The following EBF4 variants were observed in gnomAD, a reference collection of about 807,000 sequenced individuals.
The protein encoded by EBF4 is transcription factor COE4.
A neutral mutation model predicts 67.1 loss-of-function variants in EBF4; 34 were observed. The observed-to-expected ratio is 0.51, with a 90% CI of 0.39 to 0.67. The LOEUF is 0.67. Among genes scored for constraint, EBF4 ranks in the 30% least tolerant of loss-of-function variants. The pLI is 0.00. For synonymous variants in EBF4, 387 were observed against 377.7 expected, an observed-to-expected ratio of 1.02 and a Z score of -0.29; for missense variants, 837 against 873.3, an observed-to-expected ratio of 0.96 and a Z score of 0.52.
intron 1 of EBF4, among the ~76,000 whole-genome samples, chr20:2,702,789 C>T (rs1485529146): frequency 2.0e-5 from 3 of 152,144 alleles, no homozygotes; most frequent in Admixed American, 2.0e-4. Flanking sequence ...CCTAAGTGGT[C>T]CTCAAGGCAG....
At chr20:2,692,858 C>G (rs1043361797), upstream of EBF4, 50 of 144,760 alleles carry the variant, frequency 3.5e-4, no homozygotes, top group Non-Finnish European at 6.8e-4. This position sits in a 1 kb window ranked among gnomAD's most constrained non-coding sequence, Gnocchi z 6.4. Flanking sequence ...AGGCCAGGCC[C>G]CGGGGAGCGG....
Position 2,733,905 on chromosome 20 carries a change from C to T in EBF4, c.558-14644C>T, listed in dbSNP as rs116346898. Among the ~76,000 whole-genome samples the T allele has an allele frequency of 2.1e-3, 321 of 151,796 alleles. 1 individual carries two copies. The highest frequency in any genetic ancestry group is 7.3e-3 in the African/African-American group (302 of 41,392). ...AAGCCAACCTGGGCTGCATGTGCCC[C>T]GTGGGTCGCAGGTTAGAGAAGCTTG... On this transcript the variant is annotated intron_variant, in intron 6 of 16. Coordinates refer to ENST00000609451, the Ensembl canonical transcript of EBF4.
chr20:2,759,811 A>G (rs2088299174), downstream of EBF4: 2 of 151,950 alleles, frequency 1.3e-5, no homozygotes, highest in Non-Finnish European at 2.9e-5. Context: ...AGCTGCCCCC[A>G]CTTCCTTTGA....
intron 6 of EBF4, among the ~76,000 whole-genome samples, chr20:2,725,103 G>A (rs574753726): frequency 3.3e-5 from 5 of 152,232 alleles, no homozygotes; most frequent in South Asian, 2.1e-4. Context: ...CTTTTACCAC[G>A]TCTGCAAATT....
intron 5 of EBF4, among the ~76,000 whole-genome samples, chr20:2,708,844 G>A (rs1425397522): frequency 2.6e-5 from 4 of 152,212 alleles, no homozygotes; most frequent in East Asian, 1.9e-4. Flanking sequence ...TGCTGGCCAC[G>A]CAGCACTTCT....
Position 2,696,966 on chromosome 20 carries a change from C to A in EBF4, c.137+3184C>A, listed in dbSNP as rs1010688995. Among the ~76,000 whole-genome samples, 1 of 152,162 alleles carries A rather than the reference C, an allele frequency of 6.6e-6. No homozygotes were observed. Among genetic ancestry groups the A allele is most frequent in the African/African-American group, 2.4e-5 (1 of 41,442 alleles). ...AGCACCCAGGGCAGGCTCAGGCAGT[C>A]CATGGGGGATGGGGGTGATGACTGT... On this transcript the variant is annotated intron_variant, in intron 1 of 16. Coordinates refer to ENST00000609451, the Ensembl canonical transcript of EBF4. This position sits in a 1 kb window ranked among gnomAD's most constrained non-coding sequence, Gnocchi z 4.7.
intron 6 of EBF4, among the ~76,000 whole-genome samples, chr20:2,720,730 A>C (rs2087669030): frequency 6.6e-6 from 1 of 152,164 alleles, no homozygotes; most frequent in South Asian, 2.1e-4. Context: ...CTATTTATCC[A>C]TGTAGTTACC....
rs2087286098 is a variant in EBF4, at chr20:2,696,205, C to T, written c.137+2423C>T. ...AAAGTGACCAGGCTGGGCGCGGTGG[C>T]TCACGCCTGTAATTCCAGCACTTTG... On this transcript the variant is annotated intron_variant, in intron 1 of 16. Coordinates refer to ENST00000609451, the Ensembl canonical transcript of EBF4. This position sits in a 1 kb window ranked among gnomAD's most constrained non-coding sequence, Gnocchi z 4.7. Among the ~76,000 whole-genome samples, 1 of 152,204 alleles carries T rather than the reference C, an allele frequency of 6.6e-6. No homozygotes were observed. The highest frequency in any genetic ancestry group is 1.5e-5 in the Non-Finnish European group (1 of 68,032).
chr20:2,733,821 A>G (rs1269984966), intron 6 of EBF4, among the ~76,000 whole-genome samples: 1 of 151,960 alleles, frequency 6.6e-6, no homozygotes, highest in Non-Finnish European at 1.5e-5. Context: ...ATGAGAAAAA[A>G]AAAAAAAAAG....
intron 6 of EBF4, among the ~76,000 whole-genome samples, chr20:2,736,440 A>C (rs896481775): frequency 1.3e-5 from 2 of 152,180 alleles, no homozygotes; most frequent in Non-Finnish European, 2.9e-5. Flanking sequence ...GGAACTGCAA[A>C]AGAATCAGCC....
At chr20:2,750,511 GCT>G (rs2088127435) in intron 10 of EBF4, among the ~76,000 whole-genome samples, 3 of 151,984 alleles carry the variant, frequency 2.0e-5, no homozygotes, top group African/African-American at 7.3e-5. Context: ...CCCCAGCCTG[GCT>G]CTATTTGGCC....
chr20:2,721,041 G>A (rs1214955957), intron 6 of EBF4, among the ~76,000 whole-genome samples: 1 of 152,074 alleles, frequency 6.6e-6, no homozygotes, highest in Admixed American at 6.6e-5. Context: ...TGATTATGAT[G>A]TACATTGATG....
intron 6 of EBF4, among the ~76,000 whole-genome samples, chr20:2,737,224 T>C (rs1464222984): frequency 1.5e-5 from 2 of 134,426 alleles, no homozygotes; most frequent in Non-Finnish European, 3.1e-5. Flanking sequence ...CACTCCAGCT[T>C]GGGTAACAGG....
intron 6 of EBF4, among the ~76,000 whole-genome samples, chr20:2,713,419 T>TAAGG (rs1232032495): frequency 1.3e-5 from 2 of 152,036 alleles, no homozygotes; most frequent in Non-Finnish European, 2.9e-5. Context: ...CAGTGGAAGA[T>TAAGG]AAGGATAGAG....
intron 6 of EBF4, among the ~76,000 whole-genome samples, 185 bp downstream of exon 6, chr20:2,709,827 G>A (rs2087516035): frequency 6.6e-6 from 1 of 151,972 alleles, no homozygotes; most frequent in Admixed American, 6.6e-5. Context: ...TGGCCCCTGA[G>A]TGAGGCCCCA....
intron 9 of EBF4, 33 bp from the exon 10 acceptor site, chr20:2,749,814 C>T (rs1271700752): frequency 1.3e-6 from 2 of 1,542,340 alleles, no homozygotes; most frequent in African/African-American, 1.4e-5. Flanking sequence ...CTCGCCGGTG[C>T]GGGACCTGCA....
chr20:2,737,262 A>AG (rs66635351), intron 6 of EBF4, among the ~76,000 whole-genome samples: 14 of 119,582 alleles, frequency 1.2e-4, no homozygotes, highest in South Asian at 6.7e-4. Context: ...AAAAAAAAAA[A>AG]AAAGAAAAGA....
chr20:2,733,782 A>G (rs1477831748), intron 6 of EBF4, among the ~76,000 whole-genome samples: 1 of 151,772 alleles, frequency 6.6e-6, no homozygotes, highest in Non-Finnish European at 1.5e-5. Context: ...TGAGCCACAC[A>G]TAAAATACAT....
At chr20:2,717,163 C>T (rs1009260117) in intron 6 of EBF4, among the ~76,000 whole-genome samples, 1 of 151,988 alleles carries the variant, frequency 6.6e-6, no homozygotes, top group African/African-American at 2.4e-5. Context: ...CAATAACGGC[C>T]ACAAATACTC....
Sources: gnomAD v4.1 joint callset for allele counts (sites outside exome capture counted in the v4.1 genomes callset) on GRCh38, gnomAD v4.1.1 for gene constraint, Gnocchi (gnomAD v3.1) non-coding constraint, MANE v1.5 for transcripts, NCBI Gene and HGNC (gene_info 2026-07-23, HGNC 2026-07-21) for gene names.